Variants in PADI6 observed in about 807,000 individuals in gnomAD.
PADI6 encodes the protein inactive protein-arginine deiminase type-6.
Under a neutral mutation model 78.2 loss-of-function variants are expected in PADI6, and 66 were observed. The ratio of observed to expected loss-of-function variants is 0.84; its 90% CI spans 0.69 to 1.04. The LOEUF (loss-of-function observed/expected upper bound fraction) is 1.04, where lower values mean the gene tolerates loss of function less well. Among genes scored for constraint, PADI6 ranks in the 50% least tolerant of loss-of-function variants. The pLI is 0.00. For synonymous variants in PADI6, 397 were observed against 346.9 expected (o/e 1.14, Z -1.60); for missense variants, 854 against 866.1 (o/e 0.99, Z 0.18).
Position 17,388,574 on chromosome 1 carries a change from T to C in PADI6, c.858+15T>C. ...CTCAAGACCCGGTATGTCCCCATAA[T>C]AGATGGGTCCTCAGACTAGGATGCT... On this transcript the variant is annotated intron_variant, in intron 7 of 15. Transcript: ENST00000619609. 6.3e-7 allele frequency: 1 copy of C among 1,593,192 alleles called. No individual in the cohort carries two copies. Among genetic ancestry groups the C allele is most frequent in the Non-Finnish European group, 8.6e-7 (1 of 1,163,240 alleles).
intron 8 of PADI6, 61 bp from the exon 9 acceptor site, chr1:17,392,053 G>C: frequency 7.3e-7 from 1 of 1,371,552 alleles, no homozygotes; most frequent in Non-Finnish European, 1.0e-6. Flanking sequence ...GGCACAAGGA[G>C]GTCATAACCA....
At chr1:17,380,989 G>T in intron 4 of PADI6, 58 bp from the exon 5 acceptor site, 1 of 1,446,684 alleles carries the variant, frequency 6.9e-7, no homozygotes, top group South Asian at 1.3e-5. Flanking sequence ...AGGTGCATCC[G>T]AGAAACAGAA....
chr1:17,394,850 G>A (rs745844062), intron 11 of PADI6, 101 bp from the exon 12 acceptor site: 51 of 1,371,870 alleles, frequency 3.7e-5, no homozygotes, highest in Admixed American at 2.9e-4. Flanking sequence ...TTCACACAAC[G>A]GTCAGAGGCC....
intron 3 of PADI6, among the ~76,000 whole-genome samples, chr1:17,375,755 C>G (rs941063625): frequency 6.6e-6 from 1 of 152,198 alleles, no homozygotes; most frequent in Non-Finnish European, 1.5e-5. Context: ...CCAGAACTTC[C>G]GTGTCGCTGC....
chr1:17,374,464 A>G (rs1470603281), intron 2 of PADI6, among the ~76,000 whole-genome samples: 1 of 151,898 alleles, frequency 6.6e-6, no homozygotes, highest in Non-Finnish European at 1.5e-5. Flanking sequence ...TGTCTCTACT[A>G]AAAATACAAA....
At chr1:17,396,479 C>T (rs542278433) in intron 13 of PADI6, among the ~76,000 whole-genome samples, 5 of 152,170 alleles carry the variant, frequency 3.3e-5, no homozygotes, top group Non-Finnish European at 2.9e-5. Flanking sequence ...TGAGGGCCAG[C>T]GCACCTGGGA....
In PADI6 at chr1:17,388,440, G is replaced by A; in HGVS notation, c.739G>A (p.Ala247Thr). 6.2e-7 allele frequency: 1 copy of A among 1,613,748 alleles called. No homozygotes were observed. ...LGPDQHAYTL[A>T]LLGNHLKETF... ...GCCCGACCAGCACGCCTATACCTTG[G>A]CCCTCCTCGGGAACCACTTGAAGGA... is the stretch of plus-strand genomic sequence containing the variant. Residue 247 changes from alanine (A) to threonine (T), a missense_variant, in exon 7 of 16, where the codon GCC becomes ACC. Transcript: ENST00000619609.
In PADI6 at chr1:17,372,242, G is replaced by A. The variant is rs371647460; in HGVS notation, c.-4G>A. 1.9e-5 allele frequency: 30 copies of A among 1,613,624 alleles called. No homozygotes were observed. In the African/African-American group the frequency reaches 3.2e-4, roughly 17 times the overall value. On this transcript the variant is annotated 5_prime_UTR_variant, in exon 1 of 16. Coordinates refer to ENST00000619609, the MANE Select transcript of PADI6 (RefSeq NM_207421.4). ...TGAGTGAGGGCTGCGGTGCAGGCCT[G>A]AGGATGGTCAGCGTGGAGGGCCGAG...
intron 15 of PADI6, among the ~76,000 whole-genome samples, chr1:17,400,453 G>A (rs928173542): frequency 2.6e-5 from 4 of 152,220 alleles, no homozygotes; most frequent in African/African-American, 9.6e-5. Flanking sequence ...GTTGCAGTGA[G>A]CGGAGATCAC....
rs774079430 is a variant in PADI6 at position 17,395,545 on chromosome 1, C to G, written c.1500C>G (p.Phe500Leu). 6.4e-7 allele frequency: 1 copy of G among 1,553,842 alleles called. No homozygotes were observed. Among genetic ancestry groups the G allele is most frequent in the Non-Finnish European group, 8.7e-7 (1 of 1,148,180 alleles). Residue 500 changes from phenylalanine to leucine, a missense_variant, in exon 13 of 16, where the codon TTC becomes TTG. By Grantham distance (22) the Phe-to-Leu change is conservative. Coordinates refer to ENST00000619609, the MANE Select transcript of PADI6 (RefSeq NM_207421.4). Reference sequence around the variant, plus strand: ...ACCCAAGTTCTGTTTCCCAGGGCTTCCTGCTGCTCCTGGCCAGCCCCAGTG... The same window carrying G: ...ACCCAAGTTCTGTTTCCCAGGGCTTGCTGCTGCTCCTGGCCAGCCCCAGTG... ...TDDKNEGKKG[F>L]LLLLASPSAC...
chr1:17,384,090 C>G (rs2075097781), intron 6 of PADI6, among the ~76,000 whole-genome samples: 1 of 151,796 alleles, frequency 6.6e-6, no homozygotes, highest in African/African-American at 2.4e-5. Context: ...CTGCAGTGAG[C>G]CGACGTTGCA....
rs770970009 is a variant in PADI6, at chr1:17,394,338, C to T, written c.1221C>T (p.Asp407=). The part of the protein sequence containing the change: ...GIGYMIQDTE[D]HKVASMDSIG... ...GCTACATGATCCAGGACACTGAGGACCATAAAGTGGCCAGCATGGATTCCA... is the reference window on the plus strand; with the variant it reads ...GCTACATGATCCAGGACACTGAGGATCATAAAGTGGCCAGCATGGATTCCA... Residue 407 remains aspartate, a synonymous_variant, in exon 11 of 16, where the codon GAC becomes GAT. Transcript: ENST00000619609. 5 of 1,613,920 alleles carry T rather than the reference C, an allele frequency of 3.1e-6. No individual in the cohort carries two copies. Among genetic ancestry groups the T allele is most frequent in the Non-Finnish European group, 4.2e-6 (5 of 1,179,868 alleles).
At chr1:17,396,599 T>A (rs2075249727) in intron 13 of PADI6, among the ~76,000 whole-genome samples, 1 of 152,120 alleles carries the variant, frequency 6.6e-6, no homozygotes, top group Non-Finnish European at 1.5e-5. Flanking sequence ...GAAGGTGACA[T>A]CTGCTGAGCA....
Position 17,379,839 on chromosome 1 carries a change from G to A in PADI6, c.368-81G>A, listed in dbSNP as rs569409925. 102 of 1,276,842 alleles carry A rather than the reference G, an allele frequency of 8.0e-5. No individual in the cohort carries two copies. The African/African-American group carries it at 1.1e-3, about 14-fold the overall frequency. 79.1% of individuals were successfully genotyped at this position (1,276,842 alleles called of 1,614,324 possible). On this transcript the variant is annotated intron_variant, in intron 3 of 15. Coordinates refer to ENST00000619609, the MANE Select transcript of PADI6 (RefSeq NM_207421.4). ...GATGCCCTGATGCCAGCCTTGGGCA[G>A]CCCCACAGGAGATAACCTATAACTT...
chr1:17,397,260 T>C (rs2100325658), intron 14 of PADI6, 119 bp downstream of exon 14: 1 of 1,063,824 alleles, frequency 9.4e-7, no homozygotes, highest in Non-Finnish European at 1.4e-6. Flanking sequence ...GGCAGCTGCC[T>C]GCCACCCTTT....
intron 6 of PADI6, among the ~76,000 whole-genome samples, chr1:17,382,786 GTT>G (rs2075085570): frequency 6.6e-6 from 1 of 152,188 alleles, no homozygotes; most frequent in African/African-American, 2.4e-5. Context: ...TTTGGGTTTT[GTT>G]TTGTTTTTCC....
At chr1:17,380,898 C>T in intron 4 of PADI6, 149 bp from the exon 5 acceptor site, 1 of 578,318 alleles carries the variant, frequency 1.7e-6, no homozygotes, top group Non-Finnish European at 2.9e-6. Flanking sequence ...CTTCCTGTGC[C>T]TACAGATTCT....
intron 8 of PADI6, among the ~76,000 whole-genome samples, chr1:17,390,631 TC>T (rs1351492909): frequency 7.3e-5 from 11 of 149,778 alleles, no homozygotes; most frequent in Non-Finnish European, 8.9e-5. Flanking sequence ...CTACCCCTCT[TC>T]CAGGCTCCGT....
chr1:17,388,211 T>C (rs954520844), intron 6 of PADI6, among the ~76,000 whole-genome samples, 170 bp from the exon 7 acceptor site: 3 of 152,220 alleles, frequency 2.0e-5, no homozygotes, highest in African/African-American at 4.8e-5. Context: ...TCTGGTTGTC[T>C]ACCAAGACCT....
Sources: gnomAD v4.1 joint callset for allele counts (sites outside exome capture counted in the v4.1 genomes callset) on GRCh38, gnomAD v4.1.1 for gene constraint, MANE v1.5 for transcripts, NCBI Gene and HGNC (gene_info 2026-07-23, HGNC 2026-07-21) for gene names.